MAP4: variants seen among roughly 807,000 people sequenced by gnomAD.
MAP4 encodes the protein microtubule-associated protein 4.
A neutral mutation model predicts 170.2 loss-of-function variants in MAP4; 76 were observed. That is an observed-to-expected ratio of 0.45 (90% CI 0.37 to 0.54). The LOEUF (loss-of-function observed/expected upper bound fraction) is 0.54. Among genes scored for constraint, MAP4 ranks in the 20% least tolerant of loss-of-function variants. The probability of loss-of-function intolerance (pLI) is 0.00; values close to 1 mark genes in which losing one functional copy is unlikely to be tolerated. For synonymous variants in MAP4, 909 were observed against 994.5 expected (o/e 0.91, Z 1.62); for missense variants, 2,506 against 2,748.0 (o/e 0.91, Z 1.97).
intron 16 of MAP4, among the ~76,000 whole-genome samples, chr3:47,868,866 A>G (rs2085489676): frequency 1.3e-5 from 2 of 152,226 alleles, no homozygotes; most frequent in African/African-American, 4.8e-5. Context: ...TGTCTTCTTG[A>G]TAACGAATGT....
At chr3:47,856,902 C>T (rs572057601) in intron 18 of MAP4, among the ~76,000 whole-genome samples, 8 of 152,358 alleles carry the variant, frequency 5.3e-5, no homozygotes, top group African/African-American at 1.9e-4. Context: ...AGAGCCCAGC[C>T]TCCGCACAGC....
chr3:48,023,984 T>A (rs573824037), intron 1 of MAP4, among the ~76,000 whole-genome samples: 1 of 152,108 alleles, frequency 6.6e-6, no homozygotes, highest in Non-Finnish European at 1.5e-5. Flanking sequence ...AAAAGCAATA[T>A]GCAACAGGAG....
intron 4 of MAP4, 146 bp from the exon 5 acceptor site, chr3:47,922,024 T>G: frequency 1.8e-6 from 1 of 551,024 alleles, no homozygotes; most frequent in Non-Finnish European, 3.2e-6. Context: ...CTTGGTTCAC[T>G]GCAACCTCTA....
rs529625505 is a variant in MAP4 at position 47,862,501 on chromosome 3, G to A, written c.6501+4745C>T. Among the ~76,000 whole-genome samples the A allele has an allele frequency of 2.7e-3, 405 of 150,616 alleles. 6 individuals carry two copies. The Middle Eastern group carries it at 0.027, about 10-fold the overall frequency. On this transcript the variant is annotated intron_variant, in intron 17 of 20. Transcript: ENST00000683076. ...TTTTTCCTTTTTTTTTTGTTGAGACGGAGTCTCGCTCTGTCACCCAGGCTG... is the reference window on the plus strand; with the variant it reads ...TTTTTCCTTTTTTTTTTGTTGAGACAGAGTCTCGCTCTGTCACCCAGGCTG...
chr3:47,927,797 G>A (rs1276637099), intron 4 of MAP4, among the ~76,000 whole-genome samples: 1 of 152,120 alleles, frequency 6.6e-6, no homozygotes, highest in Admixed American at 6.6e-5. Context: ...TATAGAAAGT[G>A]GGTATGAATC....
intron 1 of MAP4, among the ~76,000 whole-genome samples, chr3:48,043,774 A>G (rs565231907): frequency 4.6e-5 from 7 of 152,252 alleles, no homozygotes; most frequent in African/African-American, 7.2e-5. Flanking sequence ...AAACCGTAAA[A>G]GTAAGAATGC....
intron 1 of MAP4, among the ~76,000 whole-genome samples, chr3:48,040,103 A>G (rs1018656833): frequency 1.3e-5 from 2 of 152,194 alleles, no homozygotes; most frequent in African/African-American, 2.4e-5. Context: ...CTACAGCTCA[A>G]AAACAATCAC....
At chr3:48,062,123 G>A (rs1298809365) in intron 1 of MAP4, among the ~76,000 whole-genome samples, 7 of 151,640 alleles carry the variant, frequency 4.6e-5, no homozygotes, top group Admixed American at 6.6e-5. Flanking sequence ...AGAGAAGTGG[G>A]CATAGGAGAC....
rs1461822841 is a variant in MAP4, at chr3:47,910,481, C to T, written c.3940G>A (p.Val1314Ile). Residue 1314 changes from valine to isoleucine, a missense_variant, in exon 9 of 21, where the codon GTT (valine) becomes ATT (isoleucine). Physicochemically the swap from Val to Ile is conservative, Grantham distance 29. This residue lies in a region of MAP4 where 2,008 missense variants were observed against 2,206.0 expected (regional missense o/e 0.91). Transcript: ENST00000683076. ...GTCACCTTGGCAGGTGGTTCAGTAA[C>T]AGTAGAAGCCTTGACTGTGCTTATC... The part of the protein sequence containing the change: ...NKISTVKAST[V>I]TEPPAKVTDV... 3 of 1,535,960 alleles carry T rather than the reference C, an allele frequency of 2.0e-6. No homozygotes were observed. The highest frequency in any genetic ancestry group is 2.7e-5 in the African/African-American group (2 of 73,016).
intron 1 of MAP4, among the ~76,000 whole-genome samples, chr3:48,061,601 G>A (rs1366126611): frequency 2.0e-5 from 3 of 152,216 alleles, no homozygotes; most frequent in African/African-American, 7.2e-5. Context: ...TGCAGCCTCT[G>A]CCCGGCCGCC....
chr3:48,028,641 C>T (rs1289177678), intron 1 of MAP4, among the ~76,000 whole-genome samples: 1 of 151,378 alleles, frequency 6.6e-6, no homozygotes, highest in Non-Finnish European at 1.5e-5. Flanking sequence ...GGCATGGTGG[C>T]CGGCGCCTGT....
chr3:47,969,441 A>G (rs1391747694), intron 3 of MAP4, among the ~76,000 whole-genome samples: 1 of 150,504 alleles, frequency 6.6e-6, no homozygotes, highest in Non-Finnish European at 1.5e-5. Context: ...AAAAAGGATT[A>G]GTACCATAAT....
rs774507489 is a variant in MAP4, at chr3:47,871,931, G to A, written c.5927C>T (p.Pro1976Leu). ...GCAATACTCACCAGTGGGCTTCTTG[G>A]GCAGGAGCGTGGAGGGGCTCCTACT... ...PSSRSPSTLLPKKPTAIKTEG... is the reference protein window; with the variant it reads ...PSSRSPSTLLLKKPTAIKTEG... Residue 1976 changes from proline to leucine, a missense_variant, in exon 13 of 21, where the codon CCC (proline) becomes CTC (leucine). By Grantham distance (98) the Pro-to-Leu change is moderately conservative. Coordinates refer to ENST00000683076, the MANE Select transcript of MAP4 (RefSeq NM_001385682.1). The A allele has an allele frequency of 3.1e-6, 5 of 1,611,674 alleles. No individual in the cohort carries two copies. In the East Asian group the frequency reaches 1.1e-4, roughly 36 times the overall value.
intron 4 of MAP4, among the ~76,000 whole-genome samples, chr3:47,923,310 C>A (rs1205949415): frequency 6.6e-6 from 1 of 151,600 alleles, no homozygotes; most frequent in Non-Finnish European, 1.5e-5. Flanking sequence ...GGCTCTGAGG[C>A]AGCTATACCA....
chr3:47,890,332 GCTTT>G (rs1426483784), intron 10 of MAP4, among the ~76,000 whole-genome samples: 3 of 152,092 alleles, frequency 2.0e-5, no homozygotes, highest in African/African-American at 7.2e-5. Flanking sequence ...TTCTCTCCCT[GCTTT>G]CTCTTTCTTC....
At chr3:48,020,227 C>T (rs1357367151), upstream of MAP4, among the ~76,000 whole-genome samples, 1 of 152,162 alleles carries the variant, frequency 6.6e-6, no homozygotes, top group Non-Finnish European at 1.5e-5. Context: ...CCCAGAGTTC[C>T]CCTTAACGCT....
At chr3:48,002,285 G>T (rs1284140234) in intron 1 of MAP4, among the ~76,000 whole-genome samples, 1 of 151,412 alleles carries the variant, frequency 6.6e-6, no homozygotes, top group South Asian at 2.1e-4. Flanking sequence ...TCTGAGCCAG[G>T]CGTGGTGGTT....
At chr3:47,943,706 T>A (rs2100057948) in intron 3 of MAP4, among the ~76,000 whole-genome samples, 1 of 151,916 alleles carries the variant, frequency 6.6e-6, no homozygotes, top group South Asian at 2.1e-4. Context: ...AGACTCTGAG[T>A]TTAGCCCTCT....
intron 3 of MAP4, among the ~76,000 whole-genome samples, chr3:47,943,943 A>G (rs1485142674): frequency 6.6e-6 from 1 of 152,016 alleles, no homozygotes; most frequent in African/African-American, 2.4e-5. Context: ...TCTACCTCCT[A>G]CAACACTTGA....
Sources: gnomAD v4.1 joint callset for allele counts (sites outside exome capture counted in the v4.1 genomes callset) on GRCh38, gnomAD v4.1.1 for gene constraint, gnomAD v4.1.1 regional missense constraint, MANE v1.5 for transcripts, NCBI Gene and HGNC (gene_info 2026-07-23, HGNC 2026-07-21) for gene names.